The following GAS7 variants were observed in gnomAD, a reference collection of about 807,000 sequenced individuals.
The protein encoded by GAS7 is growth arrest-specific protein 7.
In GAS7, 28 loss-of-function variants were observed where a neutral mutation model predicts 71.1. The observed-to-expected ratio is 0.39, with a 90% CI of 0.29 to 0.54. The LOEUF is 0.54. GAS7 is among the 20% of genes least tolerant of loss of function. The pLI, the probability that GAS7 is intolerant of heterozygous loss-of-function variation, is 0.62. For synonymous variants in GAS7, 258 were observed against 245.8 expected (o/e 1.05, Z -0.46); for missense variants, 436 against 627.8 (o/e 0.69, Z 3.27).
chr17:9,989,996 A>G (rs7218052), intron 2 of GAS7, among the ~76,000 whole-genome samples: 62,110 of 151,832 alleles, frequency 0.41, 14,188 homozygotes, highest in African/African-American at 0.62. Context: ...CTGGCCGGGC[A>G]TGGTGGCTCA....
intron 1 of GAS7, among the ~76,000 whole-genome samples, chr17:10,135,915 G>A (rs948700168): frequency 6.6e-6 from 1 of 152,156 alleles, no homozygotes; most frequent in Non-Finnish European, 1.5e-5. Flanking sequence ...TAATATTAGG[G>A]AGAGATGAAG....
At chr17:10,036,707 A>T in intron 1 of GAS7, 1 of 1,296,124 alleles carries the variant, frequency 7.7e-7, no homozygotes. Flanking sequence ...CTTGCTGGGA[A>T]ATTAACAACT....
chr17:10,100,726 T>A (rs2073690477), intron 1 of GAS7, among the ~76,000 whole-genome samples: 1 of 152,160 alleles, frequency 6.6e-6, no homozygotes, highest in African/African-American at 2.4e-5. Flanking sequence ...ATTACGAAGT[T>A]TTTAGAATCA....
intron 2 of GAS7, among the ~76,000 whole-genome samples, chr17:10,009,686 A>C (rs1391266915): frequency 6.6e-6 from 1 of 151,404 alleles, no homozygotes; most frequent in African/African-American, 2.4e-5. Context: ...AAAAAAAAAA[A>C]AAACCAAACA....
intron 2 of GAS7, among the ~76,000 whole-genome samples, chr17:9,985,831 C>T (rs548887408): frequency 6.2e-4 from 95 of 152,336 alleles, no homozygotes; most frequent in African/African-American, 2.2e-3. Context: ...CTCCCCACGG[C>T]GCTGCCGAGG....
chr17:9,981,976 GAA>G lies in GAS7; in HGVS notation c.305-94_305-93del. The G allele has an allele frequency of 1.3e-6, 1 of 755,590 alleles. No homozygotes were observed. Among genetic ancestry groups the G allele is most frequent in the South Asian group, 1.5e-5 (1 of 66,276 alleles). The allele number at this position is 755,590 out of a possible 1,614,324, so 46.8% of individuals were successfully genotyped here. A position where few individuals can be genotyped will look rare whatever the true frequency, so the allele number is the denominator to read the frequency against. On this transcript the variant is annotated intron_variant, in intron 2 of 13. Coordinates refer to ENST00000432992, the MANE Select transcript of GAS7 (RefSeq NM_201433.2). This position sits in a 1 kb window ranked among gnomAD's most constrained non-coding sequence, Gnocchi z 4.4. ...GCAGAAGGAGATGCTCAGAGCTGGA[GAA>G]AAAGAGAGACAGCCAATCGCCCTCC...
chr17:10,028,411 T>A (rs574135129), intron 1 of GAS7, among the ~76,000 whole-genome samples: 5 of 152,250 alleles, frequency 3.3e-5, no homozygotes, highest in African/African-American at 1.2e-4. Context: ...TTATCTGGTC[T>A]CAGGTATTTT....
chr17:10,039,551 C>T (rs1456544278), intron 1 of GAS7, among the ~76,000 whole-genome samples: 9 of 152,122 alleles, frequency 5.9e-5, no homozygotes, highest in Admixed American at 1.3e-4. Flanking sequence ...GGCATGGTGG[C>T]GGGCGCCTGT....
rs1392845338 is a variant in GAS7, at chr17:10,133,122, A to ATATATATATATATTTT, written c.183+65085_183+65086insAAAATATATATATATA. 3.4e-4 allele frequency among the ~76,000 whole-genome samples: 41 copies of ATATATATATATATTTT among 118,908 alleles called. 1 individual carries two copies. Among genetic ancestry groups the ATATATATATATATTTT allele is most frequent in the African/African-American group, 1.2e-3 (39 of 33,108 alleles). 78.0% of individuals were successfully genotyped at this position (118,908 alleles called of 152,430 possible). A position where few individuals can be genotyped will look rare whatever the true frequency, so the allele number is the denominator to read the frequency against. On this transcript the variant is annotated intron_variant, in intron 1 of 13. Transcript: ENST00000432992. ...TTATAATTAGATTATATATTTTTAT[A>ATATATATATATATTTT]TTTTTTTTTTTTCTTTTTTGAGATG...
chr17:10,007,181 A>AT lies in GAS7; in HGVS notation c.304+12595dup, dbSNP rs143807600. 9.3e-3 allele frequency among the ~76,000 whole-genome samples: 1,409 copies of AT among 152,284 alleles called. 39 individuals carry two copies. Among genetic ancestry groups the AT allele is most frequent in the East Asian group, 0.083 (431 of 5,186 alleles). ...AAACTTTGAAAAATATAAAGTTGACATTTTTTCTCTTTCCAAATAGATTCT... is the reference window on the plus strand; with the variant it reads ...AAACTTTGAAAAATATAAAGTTGACATTTTTTTCTCTTTCCAAATAGATTCT... On this transcript the variant is annotated intron_variant, in intron 2 of 13. Transcript: ENST00000432992.
intron 5 of GAS7, among the ~76,000 whole-genome samples, chr17:9,957,238 C>G (rs956065352): frequency 3.9e-5 from 6 of 152,230 alleles, no homozygotes; most frequent in Non-Finnish European, 5.9e-5. Flanking sequence ...GGGGTGCCAT[C>G]CAGGAATCTG....
chr17:9,938,730 C>T (rs1428981112), intron 8 of GAS7, among the ~76,000 whole-genome samples: 1 of 152,092 alleles, frequency 6.6e-6, no homozygotes, highest in African/African-American at 2.4e-5. Flanking sequence ...CAGATGAATA[C>T]ACACCCCAAA....
chr17:9,961,305 C>T (rs886966991), intron 4 of GAS7, among the ~76,000 whole-genome samples: 37 of 152,266 alleles, frequency 2.4e-4, no homozygotes, highest in African/African-American at 7.9e-4. Context: ...GAAAGGCAGA[C>T]GGAGGCTACA....
At chr17:10,014,265 T>C (rs1025187306) in intron 2 of GAS7, among the ~76,000 whole-genome samples, 1 of 152,218 alleles carries the variant, frequency 6.6e-6, no homozygotes, top group African/African-American at 2.4e-5. Context: ...GTCTGACAGA[T>C]TCTACCTCCT....
At chr17:9,973,333 G>A (rs1177857308) in intron 3 of GAS7, among the ~76,000 whole-genome samples, 2 of 150,850 alleles carry the variant, frequency 1.3e-5, no homozygotes, top group African/African-American at 4.9e-5. Context: ...GGCTCACTGC[G>A]ACCTCCGCCT....
intron 1 of GAS7, among the ~76,000 whole-genome samples, chr17:10,107,287 T>A (rs1257402090): frequency 6.6e-6 from 1 of 152,240 alleles, no homozygotes; most frequent in Non-Finnish European, 1.5e-5. Flanking sequence ...TTGTCTGTCT[T>A]GCTGGGCCTC....
intron 2 of GAS7, among the ~76,000 whole-genome samples, chr17:9,986,831 T>C (rs1038945425): frequency 1.3e-5 from 2 of 152,204 alleles, no homozygotes; most frequent in African/African-American, 4.8e-5. Flanking sequence ...TGGCGAGATC[T>C]GACCAACCCA....
rs765493255 is a variant in GAS7 at position 9,969,809 on chromosome 17, G to A, written c.386-47C>T. The A allele has an allele frequency of 6.6e-5, 83 of 1,259,928 alleles. No individual in the cohort carries two copies. Among genetic ancestry groups the A allele is most frequent in the African/African-American group, 8.8e-5 (6 of 68,190 alleles). 78.0% of individuals were successfully genotyped at this position (1,259,928 alleles called of 1,614,324 possible). A position where few individuals can be genotyped will look rare whatever the true frequency, so the allele number is the denominator to read the frequency against. ...TCAGATGCTGTGTGGGCCACAGATG[G>A]GCACCCCCGCCTTTCGTCCACTGCA... is the stretch of plus-strand genomic sequence containing the variant. On this transcript the variant is annotated intron_variant, in intron 3 of 13. Coordinates refer to ENST00000432992, the MANE Select transcript of GAS7 (RefSeq NM_201433.2). The surrounding 1 kb of genome is among the most constrained non-coding windows in gnomAD (Gnocchi z 5.5).
chr17:10,091,988 T>G lies in GAS7; in HGVS notation c.184-72091A>C, dbSNP rs193252434. ...AATTTAAAAAAAAAAAAATGTGCCC[T>G]GACTAAAACATCTTCAGTGGACACC... On this transcript the variant is annotated intron_variant, in intron 1 of 13. Coordinates refer to ENST00000432992, the MANE Select transcript of GAS7 (RefSeq NM_201433.2). Among the ~76,000 whole-genome samples the G allele has an allele frequency of 1.1e-3, 166 of 150,014 alleles. 1 individual carries two copies. The highest frequency in any genetic ancestry group is 1.8e-3 in the Non-Finnish European group (120 of 67,704).
Sources: gnomAD v4.1 joint callset for allele counts (sites outside exome capture counted in the v4.1 genomes callset) on GRCh38, gnomAD v4.1.1 for gene constraint, Gnocchi (gnomAD v3.1) non-coding constraint, MANE v1.5 for transcripts, NCBI Gene and HGNC (gene_info 2026-07-23, HGNC 2026-07-21) for gene names.